The following KLHL40 variants were observed in gnomAD, a reference collection of about 807,000 sequenced individuals.
The protein encoded by KLHL40 is kelch-like protein 40.
Under a neutral mutation model 49.7 loss-of-function variants are expected in KLHL40, and 44 were observed. That is an observed-to-expected ratio of 0.89 (90% CI 0.70 to 1.14). The LOEUF is 1.14. KLHL40 is among the 50% of genes most tolerant of loss of function. The probability of loss-of-function intolerance (pLI) is 0.00; values close to 1 mark genes in which losing one functional copy is unlikely to be tolerated. For synonymous variants in KLHL40, 409 were observed against 365.2 expected, an observed-to-expected ratio of 1.12 and a Z score of -1.37; for missense variants, 892 against 850.3, an observed-to-expected ratio of 1.05 and a Z score of -0.61.
Position 42,692,020 on chromosome 3 carries a change from C to A in KLHL40, c.*27C>A. 1.5e-6 allele frequency: 2 copies of A among 1,359,856 alleles called. No homozygotes were observed. Among genetic ancestry groups the A allele is most frequent in the Non-Finnish European group, 2.1e-6 (2 of 948,562 alleles). The allele number at this position is 1,359,856 out of a possible 1,614,324, so 84.2% of individuals were successfully genotyped here. A position where few individuals can be genotyped will look rare whatever the true frequency, so the allele number is the denominator to read the frequency against. On this transcript the variant is annotated 3_prime_UTR_variant, in exon 6 of 6. Coordinates refer to ENST00000287777, the MANE Select transcript of KLHL40 (RefSeq NM_152393.4). ...CAGCTCAGGCAGACTGAACTAAGCA[C>A]CCCTCCCATCCTGCGACCCTCACTG...
rs762299711 is a variant in KLHL40, at chr3:42,686,758, A to C, written c.1140A>C (p.Ala380=). The change falls in exon 1 of 6, where the codon GCA becomes GCC. Residue 380 remains alanine, a synonymous_variant. Coordinates refer to ENST00000287777, the MANE Select transcript of KLHL40 (RefSeq NM_152393.4). The stretch of plus-strand genomic sequence containing the variant: ...ACAACAAAGAGGACCCCATGAGCGC[A>C]TACTTCCTGCAGGTGCCTGACCAGC... ...NEDNKEDPMS[A]YFLQFDHLDS... 1.2e-6 allele frequency: 2 copies of C among 1,609,176 alleles called. No individual in the cohort carries two copies.
intron 4 of KLHL40, among the ~76,000 whole-genome samples, 191 bp from the exon 5 acceptor site, chr3:42,690,668 A>G (rs534025747): frequency 6.6e-5 from 10 of 152,072 alleles, no homozygotes; most frequent in African/African-American, 2.4e-4. Flanking sequence ...AGGAAAGGAA[A>G]GTGGAGGAGC....
chr3:42,688,845 C>G lies in KLHL40; in HGVS notation c.1422-24C>G, dbSNP rs1192662291. 1 of 1,609,360 alleles carries G rather than the reference C, an allele frequency of 6.2e-7. No homozygotes were observed. The highest frequency in any genetic ancestry group is 8.5e-7 in the Non-Finnish European group (1 of 1,176,056). ...TGGCTGGGCTCCTGCTTCTCTCCACCCATCCCCACCCTCCACCCCACAGGA... is the reference window on the plus strand; with the variant it reads ...TGGCTGGGCTCCTGCTTCTCTCCACGCATCCCCACCCTCCACCCCACAGGA... On this transcript the variant is annotated intron_variant, in intron 3 of 5. Transcript: ENST00000287777. The surrounding 1 kb of genome is among the most constrained non-coding windows in gnomAD (Gnocchi z 4.2).
Position 42,690,321 on chromosome 3 carries a change from G to A in KLHL40, c.1608-538G>A, listed in dbSNP as rs1697342581. On this transcript the variant is annotated intron_variant, in intron 4 of 5. Transcript: ENST00000287777. ...GAAAGTCACGTCAGCAGGGCTGTGT[G>A]CTGTAGGACCTCAGTGCGTGTGCAG... is the stretch of plus-strand genomic sequence containing the variant. Among the ~76,000 whole-genome samples the A allele has an allele frequency of 3.3e-5, 5 of 152,230 alleles. No individual in the cohort carries two copies. The South Asian group carries it at 1.0e-3, about 32-fold the overall frequency.
Position 42,688,577 on chromosome 3 carries a change from G to A in KLHL40, c.1314-33G>A, listed in dbSNP as rs754679897. The A allele has an allele frequency of 2.6e-6, 4 of 1,528,262 alleles. No individual in the cohort carries two copies. The South Asian group carries it at 4.5e-5, about 17-fold the overall frequency. The allele number at this position is 1,528,262 out of a possible 1,614,324, so 94.7% of individuals were successfully genotyped here. On this transcript the variant is annotated intron_variant, in intron 2 of 5. Transcript: ENST00000287777. The surrounding 1 kb of genome is among the most constrained non-coding windows in gnomAD (Gnocchi z 4.2). The stretch of plus-strand genomic sequence containing the variant: ...GGGACTGAGCCGAGCCTGGATGGGT[G>A]CCCTCCCCCACCCCCACTCCCGTCT...
intron 5 of KLHL40, 62 bp from the exon 6 acceptor site, chr3:42,691,820 T>C: frequency 9.5e-7 from 1 of 1,049,316 alleles, no homozygotes; most frequent in Non-Finnish European, 1.5e-6. Flanking sequence ...CTCTGCTGCG[T>C]TCCACTCTGG....
chr3:42,688,493 A>G lies in KLHL40; in HGVS notation c.1314-117A>G, dbSNP rs1697309245. 3.1e-6 allele frequency: 3 copies of G among 979,620 alleles called. No homozygotes were observed. In the Admixed American group the frequency reaches 6.0e-5, roughly 20 times the overall value. The allele number at this position is 979,620 out of a possible 1,614,324, so 60.7% of individuals were successfully genotyped here. ...ACTGAGAGGCCTCGGAAGTTCCAGCAATGGATCTGACGCATCTCGAATATG... is the reference window on the plus strand; with the variant it reads ...ACTGAGAGGCCTCGGAAGTTCCAGCGATGGATCTGACGCATCTCGAATATG... On this transcript the variant is annotated intron_variant, in intron 2 of 5. Coordinates refer to ENST00000287777, the MANE Select transcript of KLHL40 (RefSeq NM_152393.4). The surrounding 1 kb of genome is among the most constrained non-coding windows in gnomAD (Gnocchi z 4.2).
Position 42,688,136 on chromosome 3 carries a change from C to T in KLHL40, c.1153-6C>T, listed in dbSNP as rs759195465. On this transcript the variant is annotated splice_polypyrimidine_tract_variant and splice_region_variant and intron_variant, in intron 1 of 5. Coordinates refer to ENST00000287777, the MANE Select transcript of KLHL40 (RefSeq NM_152393.4). This position sits in a 1 kb window ranked among gnomAD's most constrained non-coding sequence, Gnocchi z 4.2. ...GGCGGTAGCTGACTGGACACCTGGC[C>T]TGCAGTTTGACCATCTGGACTCAGA... The T allele has an allele frequency of 6.2e-7, 1 of 1,613,918 alleles. No homozygotes were observed. Among genetic ancestry groups the T allele is most frequent in the East Asian group, 2.2e-5 (1 of 44,868 alleles).
chr3:42,691,294 G>T (rs1382903687), intron 5 of KLHL40, among the ~76,000 whole-genome samples: 2 of 152,122 alleles, frequency 1.3e-5, no homozygotes, highest in African/African-American at 4.8e-5. Context: ...ACAGAAACAG[G>T]GCCCAAATAG....
In KLHL40 at chr3:42,685,907, G is replaced by C; in HGVS notation, c.289G>C (p.Asp97His). 6.2e-7 allele frequency: 1 copy of C among 1,611,890 alleles called. No homozygotes were observed. Among genetic ancestry groups the C allele is most frequent in the Non-Finnish European group, 8.5e-7 (1 of 1,179,986 alleles). The stretch of plus-strand genomic sequence containing the variant: ...CCTGTACACATCAGAGATCGCGCTG[G>C]ATGAGGCGAGCGTGCAGGATTTGTT... Reference protein sequence around the residue: ...HYLYTSEIALDEASVQDLFAA... With the variant: ...HYLYTSEIALHEASVQDLFAA... Residue 97 changes from aspartate (D) to histidine (H), a missense_variant, in exon 1 of 6, where the codon GAT becomes CAT. Physicochemically the swap from Asp to His is moderately conservative, Grantham distance 81. Coordinates refer to ENST00000287777, the MANE Select transcript of KLHL40 (RefSeq NM_152393.4).
Position 42,685,884 on chromosome 3 carries a change from T to C in KLHL40, c.266T>C (p.Leu89Pro). 6.2e-7 allele frequency: 1 copy of C among 1,612,680 alleles called. No individual in the cohort carries two copies. The highest frequency in any genetic ancestry group is 8.5e-7 in the Non-Finnish European group (1 of 1,179,982). Residue 89 changes from leucine to proline, a missense_variant, in exon 1 of 6, where the codon CTG becomes CCG. By Grantham distance (98) the Leu-to-Pro change is moderately conservative. Transcript: ENST00000287777. ...PDVVAQVLHY[L>P]YTSEIALDEA... is the part of the protein sequence containing the mutation. Reference sequence around the variant, plus strand: ...GTGGTGGCCCAGGTGCTGCACTACCTGTACACATCAGAGATCGCGCTGGAT... The same window carrying C: ...GTGGTGGCCCAGGTGCTGCACTACCCGTACACATCAGAGATCGCGCTGGAT...
intron 1 of KLHL40, among the ~76,000 whole-genome samples, chr3:42,687,261 G>A (rs888352055): frequency 6.6e-6 from 1 of 152,218 alleles, no homozygotes; most frequent in Non-Finnish European, 1.5e-5. Context: ...AGATCTCAAA[G>A]GGCAGAGACA....
At position 42,688,333 on chromosome 3, in the gene KLHL40, G is replaced by C. The variant is rs373834250; in HGVS notation, c.1313+31G>C. ...CATGGCTGGGGTGGGGCTGAGCTCC[G>C]TGGGGGTGAGTGGGGCATGGAGGCC... On this transcript the variant is annotated intron_variant, in intron 2 of 5. Transcript: ENST00000287777. This position sits in a 1 kb window ranked among gnomAD's most constrained non-coding sequence, Gnocchi z 4.2. 1.9e-5 allele frequency: 31 copies of C among 1,608,990 alleles called. No homozygotes were observed. The highest frequency in any genetic ancestry group is 2.6e-5 in the Non-Finnish European group (31 of 1,176,138).
chr3:42,688,313 C>T lies in KLHL40; in HGVS notation c.1313+11C>T. ...GTGCTACGACAGGCTGTGAGCATGG[C>T]TGGGGTGGGGCTGAGCTCCGTGGGG... On this transcript the variant is annotated intron_variant, in intron 2 of 5. Coordinates refer to ENST00000287777, the MANE Select transcript of KLHL40 (RefSeq NM_152393.4). This position sits in a 1 kb window ranked among gnomAD's most constrained non-coding sequence, Gnocchi z 4.2. The T allele has an allele frequency of 6.2e-7, 1 of 1,613,336 alleles. No homozygotes were observed. Among genetic ancestry groups the T allele is most frequent in the Non-Finnish European group, 8.5e-7 (1 of 1,179,826 alleles).
chr3:42,692,033 G>C lies in KLHL40; in HGVS notation c.*40G>C. On this transcript the variant is annotated 3_prime_UTR_variant, in exon 6 of 6. Transcript: ENST00000287777. Reference sequence around the variant, plus strand: ...CTGAACTAAGCACCCCTCCCATCCTGCGACCCTCACTGGCCTGGCCTTGTG... The same window carrying C: ...CTGAACTAAGCACCCCTCCCATCCTCCGACCCTCACTGGCCTGGCCTTGTG... The C allele has an allele frequency of 7.9e-7, 1 of 1,260,866 alleles. No individual in the cohort carries two copies. Among genetic ancestry groups the C allele is most frequent in the South Asian group, 1.2e-5 (1 of 83,530 alleles). The allele number at this position is 1,260,866 out of a possible 1,614,324, so 78.1% of individuals were successfully genotyped here.
Position 42,685,701 on chromosome 3 carries a change from A to G in KLHL40, c.83A>G (p.Asp28Gly). The G allele has an allele frequency of 6.2e-7, 1 of 1,613,236 alleles. No individual in the cohort carries two copies. Among genetic ancestry groups the G allele is most frequent in the Non-Finnish European group, 8.5e-7 (1 of 1,179,840 alleles). The change falls in exon 1 of 6, where the codon GAC becomes GGC. Residue 28 changes from aspartate to glycine, a missense_variant. Asp to Gly is a moderately conservative substitution (Grantham distance 94). Coordinates refer to ENST00000287777, the MANE Select transcript of KLHL40 (RefSeq NM_152393.4). Reference sequence around the variant, plus strand: ...CAAGACGGGCTCAAAGACATGCTGGACCATGGCAAGTTCCTCGACTGTGTG... The same window carrying G: ...CAAGACGGGCTCAAAGACATGCTGGGCCATGGCAAGTTCCTCGACTGTGTG... The part of the protein sequence containing the change: ...LLQDGLKDML[D>G]HGKFLDCVVR...
rs929318799 is a variant in KLHL40 at position 42,688,528 on chromosome 3, G to A, written c.1314-82G>A. 1.3e-5 allele frequency: 14 copies of A among 1,099,764 alleles called. No individual in the cohort carries two copies. In the Middle Eastern group the frequency reaches 8.3e-4, roughly 66 times the overall value. 68.1% of individuals were successfully genotyped at this position (1,099,764 alleles called of 1,614,324 possible). A position where few individuals can be genotyped will look rare whatever the true frequency, so the allele number is the denominator to read the frequency against. On this transcript the variant is annotated intron_variant, in intron 2 of 5. Coordinates refer to ENST00000287777, the MANE Select transcript of KLHL40 (RefSeq NM_152393.4). This position sits in a 1 kb window ranked among gnomAD's most constrained non-coding sequence, Gnocchi z 4.2. The stretch of plus-strand genomic sequence containing the variant: ...ACGCATCTCGAATATGTGTTAGGTG[G>A]ATGGGCGGATGGGTGCAGAGACAGG...
At position 42,686,047 on chromosome 3, in the gene KLHL40, C is replaced by A. The variant is rs747008135; in HGVS notation, c.429C>A (p.Leu143=). The change falls in exon 1 of 6, where the codon CTC becomes CTA. Residue 143 remains leucine (L), a synonymous_variant. Coordinates refer to ENST00000287777, the MANE Select transcript of KLHL40 (RefSeq NM_152393.4). ...CLAVFRLGLL[L]DCARLAVAAR... ...CCGTCTTCCGTCTCGGCCTCCTGCT[C>A]GACTGCGCGCGTCTCGCCGTGGCTG... The A allele has an allele frequency of 4.4e-6, 7 of 1,607,030 alleles. No individual in the cohort carries two copies. In the East Asian group the frequency reaches 1.3e-4, roughly 31 times the overall value.
rs774330971 is a variant in KLHL40, at chr3:42,686,366, T to A, written c.748T>A (p.Leu250Met). The change falls in exon 1 of 6, where the codon TTG (leucine) becomes ATG (methionine). Residue 250 changes from leucine (L) to methionine (M), a missense_variant. Physicochemically the swap from Leu to Met is conservative, Grantham distance 15. Transcript: ENST00000287777. ...RHPLVRAQPELLRKVQMVKDA... is the reference protein window; with the variant it reads ...RHPLVRAQPEMLRKVQMVKDA... ...CCCTCTCGTGCGTGCCCAGCCCGAG[T>A]TGCTGCGCAAGGTGCAGATGGTGAA... 4 of 1,612,554 alleles carry A rather than the reference T, an allele frequency of 2.5e-6. No individual in the cohort carries two copies. In the African/African-American group the frequency reaches 4.0e-5, roughly 16 times the overall value.
Sources: gnomAD v4.1 joint callset for allele counts (sites outside exome capture counted in the v4.1 genomes callset) on GRCh38, gnomAD v4.1.1 for gene constraint, Gnocchi (gnomAD v3.1) non-coding constraint, MANE v1.5 for transcripts, NCBI Gene and HGNC (gene_info 2026-07-23, HGNC 2026-07-21) for gene names.